CCSER1: variants seen among roughly 807,000 people sequenced by gnomAD.
CCSER1 encodes the protein serine-rich coiled-coil domain-containing protein 1.
Under a neutral mutation model 82.0 loss-of-function variants are expected in CCSER1, and 41 were observed. That is an observed-to-expected ratio of 0.50 (90% confidence interval 0.39 to 0.65). The LOEUF (loss-of-function observed/expected upper bound fraction) is 0.65. Ranked by LOEUF, CCSER1 falls within the 30% of genes least tolerant of loss-of-function variation. The probability of loss-of-function intolerance (pLI) is 0.00; values close to 1 mark genes in which losing one functional copy is unlikely to be tolerated. For missense variants in CCSER1, 1,119 were observed against 1,064.2 expected, an observed-to-expected ratio of 1.05 and a Z score of -0.72; for synonymous variants, 414 against 383.9, an observed-to-expected ratio of 1.08 and a Z score of -0.92.
At chr4:90,807,670 G>T (rs1203672906) in intron 7 of CCSER1, among the ~76,000 whole-genome samples, 1 of 146,258 alleles carries the variant, frequency 6.8e-6, no homozygotes, top group African/African-American at 2.5e-5. Flanking sequence ...AAAAACTTAT[G>T]AATATACTTA....
chr4:90,309,615 T>G lies in CCSER1; in HGVS notation c.1324+7T>G. On this transcript the variant is annotated splice_region_variant and intron_variant, in intron 2 of 10. Coordinates refer to ENST00000509176, the MANE Select transcript of CCSER1 (RefSeq NM_001145065.2). ...GAAGCAAATCCTGCCAAAGGTATGC[T>G]GATTTTTTTTGTATAACAAATGATA... 6.5e-7 allele frequency: 1 copy of G among 1,541,166 alleles called. No individual in the cohort carries two copies. The highest frequency in any genetic ancestry group is 8.7e-7 in the Non-Finnish European group (1 of 1,147,114).
chr4:90,809,151 C>CCA (rs61533923), intron 7 of CCSER1, among the ~76,000 whole-genome samples: 1,025 of 67,626 alleles, frequency 0.015, 7 homozygotes, highest in Non-Finnish European at 0.021. Flanking sequence ...GACCCCATTT[C>CCA]CACACACACA....
chr4:91,578,009 T>C (rs1054297596), intron 10 of CCSER1, among the ~76,000 whole-genome samples: 2 of 152,016 alleles, frequency 1.3e-5, no homozygotes, highest in South Asian at 2.1e-4. Flanking sequence ...GCTAGAAGTT[T>C]CCTTTAAAAG....
intron 8 of CCSER1, among the ~76,000 whole-genome samples, chr4:90,820,843 G>A (rs912884153): frequency 2.0e-5 from 3 of 151,992 alleles, no homozygotes; most frequent in Non-Finnish European, 4.4e-5. Context: ...AACGTATATT[G>A]TATAGAAAGT....
chr4:91,168,592 A>G (rs1452364311), intron 10 of CCSER1, among the ~76,000 whole-genome samples: 5 of 137,318 alleles, frequency 3.6e-5, no homozygotes, highest in Admixed American at 7.3e-5. Flanking sequence ...CTGCCCGGCC[A>G]CCCCATCTGG....
intron 1 of CCSER1, among the ~76,000 whole-genome samples, chr4:90,252,735 AAAATT>A (rs1722622017): frequency 6.6e-6 from 1 of 151,968 alleles, no homozygotes; most frequent in Non-Finnish European, 1.5e-5. Context: ...CCAAATTAAA[AAAATT>A]AATTTTTAAT....
At chr4:90,867,486 A>G (rs548751533) in intron 8 of CCSER1, among the ~76,000 whole-genome samples, 1 of 152,218 alleles carries the variant, frequency 6.6e-6, no homozygotes, top group East Asian at 1.9e-4. Context: ...TAATCACATC[A>G]GGGTAAATGA....
intron 9 of CCSER1, among the ~76,000 whole-genome samples, chr4:91,064,814 A>G (rs1744228644): frequency 6.6e-6 from 1 of 152,096 alleles, no homozygotes; most frequent in African/African-American, 2.4e-5. Context: ...TAACTGCTCT[A>G]TTTTCCAGGG....
chr4:90,482,702 T>C (rs1175630245), intron 5 of CCSER1, among the ~76,000 whole-genome samples: 1 of 152,230 alleles, frequency 6.6e-6, no homozygotes, highest in African/African-American at 2.4e-5. Flanking sequence ...TTCTTAATCC[T>C]GAGTTCTAGT....
Position 90,202,788 on chromosome 4 carries a change from C to A in CCSER1, c.-42+74957C>A, listed in dbSNP as rs191113495. On this transcript the variant is annotated intron_variant, in intron 1 of 10. Transcript: ENST00000509176. The stretch of plus-strand genomic sequence containing the variant: ...AGGTGATGAGATTTATTCATTTATT[C>A]ACTGAAATTACTACCTTTCTTCTCA... Among the ~76,000 whole-genome samples the A allele has an allele frequency of 5.3e-5, 8 of 152,318 alleles. No individual in the cohort carries two copies. The East Asian group carries it at 1.5e-3, about 29-fold the overall frequency.
At chr4:90,500,194 A>G (rs919746724) in intron 5 of CCSER1, among the ~76,000 whole-genome samples, 5 of 152,020 alleles carry the variant, frequency 3.3e-5, no homozygotes, top group Non-Finnish European at 7.4e-5. Flanking sequence ...TTAATTCTCA[A>G]CAGCTGCTCT....
At chr4:91,162,484 G>A (rs901327845) in intron 10 of CCSER1, among the ~76,000 whole-genome samples, 1 of 152,076 alleles carries the variant, frequency 6.6e-6, no homozygotes, top group Non-Finnish European at 1.5e-5. Context: ...TCTATTGATT[G>A]GAATATTTTC....
intron 9 of CCSER1, among the ~76,000 whole-genome samples, chr4:91,012,917 C>T (rs1581333982): frequency 1.5e-5 from 2 of 133,714 alleles, no homozygotes; most frequent in African/African-American, 2.5e-5. Flanking sequence ...TTACCATTTC[C>T]CCACAAGAAG....
chr4:90,684,150 T>C (rs1316749142), intron 6 of CCSER1, among the ~76,000 whole-genome samples: 2 of 152,174 alleles, frequency 1.3e-5, no homozygotes, highest in East Asian at 3.9e-4. Flanking sequence ...TAGTTACAGT[T>C]TTATGCAATA....
chr4:91,296,449 T>TTATATATATA lies in CCSER1; in HGVS notation c.2217+210463_2217+210472dup, dbSNP rs72475346. Among the ~76,000 whole-genome samples the TTATATATATA allele has an allele frequency of 2.1e-3, 202 of 94,004 alleles. 2 individuals carry two copies. Among genetic ancestry groups the TTATATATATA allele is most frequent in the African/African-American group, 0.01 (186 of 17,926 alleles). The allele number at this position is 94,004 out of a possible 152,430, so 61.7% of individuals were successfully genotyped here. ...CTGGTGTAAACAGAAGTGTCTAACA[T>TTATATATATA]TATATATATATATATATGTATATAT... On this transcript the variant is annotated intron_variant, in intron 10 of 10. Coordinates refer to ENST00000509176, the MANE Select transcript of CCSER1 (RefSeq NM_001145065.2).
At chr4:90,420,527 G>A (rs150695255) in intron 4 of CCSER1, among the ~76,000 whole-genome samples, 1 of 152,008 alleles carries the variant, frequency 6.6e-6, no homozygotes, top group African/African-American at 2.4e-5. Flanking sequence ...GTTGCCAACA[G>A]ACTAAATCAT....
At chr4:90,547,879 C>G (rs1005712059) in intron 5 of CCSER1, among the ~76,000 whole-genome samples, 2 of 152,078 alleles carry the variant, frequency 1.3e-5, no homozygotes, top group African/African-American at 4.8e-5. Flanking sequence ...ATTTATATAA[C>G]AGTGGCAAAA....
intron 10 of CCSER1, among the ~76,000 whole-genome samples, chr4:91,327,388 G>T (rs1746645484): frequency 6.6e-6 from 1 of 152,214 alleles, no homozygotes; most frequent in Non-Finnish European, 1.5e-5. Flanking sequence ...GCTGCACCTT[G>T]GTCCCTTTTA....
intron 9 of CCSER1, among the ~76,000 whole-genome samples, chr4:91,036,203 A>G (rs763577439): frequency 1.3e-5 from 2 of 152,152 alleles, no homozygotes; most frequent in Non-Finnish European, 2.9e-5. Flanking sequence ...TAAGATACCA[A>G]CCTTCCCTCA....
Sources: gnomAD v4.1 joint callset for allele counts (sites outside exome capture counted in the v4.1 genomes callset) on GRCh38, gnomAD v4.1.1 for gene constraint, MANE v1.5 for transcripts, NCBI Gene and HGNC (gene_info 2026-07-23, HGNC 2026-07-21) for gene names.